The following MAGI2 variants were observed in gnomAD, a reference collection of about 807,000 sequenced individuals.
The protein encoded by MAGI2 is membrane associated guanylate kinase, WW and PDZ domain containing 2.
MAGI2 carries 35 observed loss-of-function variants against 133.3 expected under a neutral mutation model. The observed-to-expected ratio is 0.26, with a 90% CI of 0.20 to 0.35. The LOEUF is 0.35. Ranked by LOEUF, MAGI2 falls within the 10% of genes least tolerant of loss-of-function variation. The pLI is 1.00. For synonymous variants in MAGI2, 729 were observed against 710.6 expected, an observed-to-expected ratio of 1.03 and a Z score of -0.41; for missense variants, 1,636 against 1,863.4, an observed-to-expected ratio of 0.88 and a Z score of 2.25.
At chr7:79,007,887 G>C (rs1015119732) in intron 1 of MAGI2, among the ~76,000 whole-genome samples, 3 of 151,224 alleles carry the variant, frequency 2.0e-5, no homozygotes, top group Non-Finnish European at 4.4e-5. Context: ...AGGTTTGAAA[G>C]AATGTAGGGT....
At chr7:78,236,006 C>G (rs1448819903) in intron 10 of MAGI2, among the ~76,000 whole-genome samples, 2 of 148,814 alleles carry the variant, frequency 1.3e-5, no homozygotes, top group South Asian at 2.1e-4. Context: ...TTTTCCTTAT[C>G]TAATTCAGGT....
chr7:79,360,017 G>T (rs1012952571), intron 1 of MAGI2, among the ~76,000 whole-genome samples: 3 of 152,192 alleles, frequency 2.0e-5, no homozygotes, highest in African/African-American at 7.2e-5. Flanking sequence ...CATCAGAATT[G>T]TCTGAGTCAT....
chr7:78,585,755 C>T (rs80214254), intron 3 of MAGI2, among the ~76,000 whole-genome samples: 2,381 of 152,186 alleles, frequency 0.016, 67 homozygotes, highest in African/African-American at 0.052. Flanking sequence ...TGTGACACCA[C>T]ATATCAGAAA....
chr7:78,729,856 T>G (rs542886554), intron 2 of MAGI2, among the ~76,000 whole-genome samples: 13 of 152,306 alleles, frequency 8.5e-5, no homozygotes, highest in African/African-American at 3.1e-4. Context: ...TCACAATTAC[T>G]TATCAGGGAA....
intron 7 of MAGI2, among the ~76,000 whole-genome samples, chr7:78,367,408 A>C (rs1435499918): frequency 6.6e-6 from 1 of 152,196 alleles, no homozygotes; most frequent in Non-Finnish European, 1.5e-5. Flanking sequence ...GAAGAATTAA[A>C]ATAGGGCAGG....
chr7:79,043,896 G>A (rs1432314004), intron 1 of MAGI2, among the ~76,000 whole-genome samples: 1 of 152,066 alleles, frequency 6.6e-6, no homozygotes, highest in Non-Finnish European at 1.5e-5. Flanking sequence ...AATATTGAGT[G>A]TGAATACCAT....
At chr7:78,842,780 TAAAC>T (rs1792255735) in intron 2 of MAGI2, among the ~76,000 whole-genome samples, 1 of 151,898 alleles carries the variant, frequency 6.6e-6, no homozygotes, top group Non-Finnish European at 1.5e-5. Context: ...AAATTTTCAT[TAAAC>T]AATATTGAGT....
chr7:78,969,686 A>T (rs1464609735), intron 2 of MAGI2, among the ~76,000 whole-genome samples: 1 of 152,012 alleles, frequency 6.6e-6, no homozygotes, highest in Non-Finnish European at 1.5e-5. Flanking sequence ...ACTTAACCCT[A>T]CATTTGTGCA....
At chr7:79,388,012 T>C (rs930470046) in intron 1 of MAGI2, among the ~76,000 whole-genome samples, 1 of 151,946 alleles carries the variant, frequency 6.6e-6, no homozygotes, top group Non-Finnish European at 1.5e-5. Flanking sequence ...TTCCCCAAAT[T>C]AAAATAATAA....
chr7:78,641,444 C>A (rs1425366518), intron 2 of MAGI2, among the ~76,000 whole-genome samples: 1 of 152,148 alleles, frequency 6.6e-6, no homozygotes, highest in Non-Finnish European at 1.5e-5. Context: ...AACAAATGAG[C>A]ACAGCTGTGT....
intron 1 of MAGI2, among the ~76,000 whole-genome samples, chr7:79,087,435 T>C (rs1816616910): frequency 6.6e-6 from 1 of 151,956 alleles, no homozygotes; most frequent in Non-Finnish European, 1.5e-5. Context: ...TGTTATACAT[T>C]GAAGGCTTTG....
intron 2 of MAGI2, among the ~76,000 whole-genome samples, chr7:78,837,495 G>A (rs569285453): frequency 1.3e-5 from 2 of 152,002 alleles, no homozygotes; most frequent in Non-Finnish European, 2.9e-5. Flanking sequence ...TCATTTTGGT[G>A]ACTACAATAG....
At chr7:78,215,663 G>A (rs1201321595) in intron 10 of MAGI2, among the ~76,000 whole-genome samples, 2 of 152,074 alleles carry the variant, frequency 1.3e-5, no homozygotes, top group Non-Finnish European at 2.9e-5. Context: ...GATTCTCAAC[G>A]GCCTCAGCAG....
intron 3 of MAGI2, among the ~76,000 whole-genome samples, chr7:78,580,831 CA>C (rs1261274529): frequency 6.6e-6 from 1 of 152,076 alleles, no homozygotes; most frequent in Admixed American, 6.6e-5. Flanking sequence ...TATTTTTAAA[CA>C]AAAACATAAA....
At chr7:78,908,224 G>A (rs1461695666) in intron 2 of MAGI2, among the ~76,000 whole-genome samples, 1 of 152,134 alleles carries the variant, frequency 6.6e-6, no homozygotes, top group Non-Finnish European at 1.5e-5. Context: ...GTAAAAAGGA[G>A]GGAAACTAAC....
intron 10 of MAGI2, among the ~76,000 whole-genome samples, chr7:78,247,659 CAT>C (rs1485787479): frequency 6.6e-6 from 1 of 151,946 alleles, no homozygotes; most frequent in African/African-American, 2.4e-5. Flanking sequence ...AAATTAAAAA[CAT>C]ACAATACAGA....
At chr7:79,056,479 A>G (rs1813159336) in intron 1 of MAGI2, among the ~76,000 whole-genome samples, 2 of 152,222 alleles carry the variant, frequency 1.3e-5, no homozygotes, top group Non-Finnish European at 1.5e-5. Flanking sequence ...AATGAAAAAA[A>G]GACTTCTTAA....
rs575003291 is a variant in MAGI2, at chr7:78,271,636, G to A, written c.1409-15055C>T. Among the ~76,000 whole-genome samples the A allele has an allele frequency of 2.0e-4, 30 of 152,194 alleles. No individual in the cohort carries two copies. The South Asian group carries it at 6.0e-3, about 31-fold the overall frequency. Reference sequence around the variant, plus strand: ...AATTATTGCCTCAATTTCAGAACTTGGTATTGGTCTATTCAGGGATTTGAC... The same window carrying A: ...AATTATTGCCTCAATTTCAGAACTTAGTATTGGTCTATTCAGGGATTTGAC... On this transcript the variant is annotated intron_variant, in intron 9 of 21. Transcript: ENST00000354212.
At chr7:78,240,437 A>G (rs964420850) in intron 10 of MAGI2, among the ~76,000 whole-genome samples, 1 of 152,200 alleles carries the variant, frequency 6.6e-6, no homozygotes, top group African/African-American at 2.4e-5. Context: ...TTATATCTAT[A>G]TAATGGAATG....
Sources: allele counts gnomAD v4.1 joint callset (sites outside exome capture counted in the v4.1 genomes callset), GRCh38; gene constraint gnomAD v4.1.1; transcripts MANE v1.5; gene names NCBI Gene and HGNC (gene_info 2026-07-23, HGNC 2026-07-21).